The following NUP210L variants were observed in gnomAD, a reference collection of about 807,000 sequenced individuals.
The protein encoded by NUP210L is nucleoporin 210 like.
Under a neutral mutation model 208.5 loss-of-function variants are expected in NUP210L, and 74 were observed. The ratio of observed to expected loss-of-function variants is 0.35; its 90% CI spans 0.29 to 0.43. The LOEUF is 0.43. Ranked by LOEUF, NUP210L falls within the 20% of genes least tolerant of loss-of-function variation. The probability of loss-of-function intolerance (pLI) is 1.00; values close to 1 mark genes in which losing one functional copy is unlikely to be tolerated. For synonymous variants in NUP210L, 780 were observed against 816.9 expected (o/e 0.95, Z 0.77); for missense variants, 1,843 against 2,289.4 (o/e 0.81, Z 3.98).
intron 27 of NUP210L, among the ~76,000 whole-genome samples, chr1:154,032,950 G>GAAGAAAAAAAAAGAAAAGAAAAGAA (rs1652318070): frequency 1.6e-5 from 2 of 124,392 alleles, no homozygotes; most frequent in African/African-American, 6.5e-5. Flanking sequence ...AAGAAAGAAA[G>GAAGAAAAAAAAAGAAAAGAAAAGAA]AAGAAAAGAA....
chr1:154,081,008 AG>A (rs1339529273), intron 16 of NUP210L, among the ~76,000 whole-genome samples: 4 of 151,800 alleles, frequency 2.6e-5, no homozygotes, highest in African/African-American at 7.3e-5. Context: ...AAAAAAGAAA[AG>A]AAAAAGAAGG....
intron 35 of NUP210L, among the ~76,000 whole-genome samples, chr1:154,004,225 C>T (rs560023141): frequency 5.9e-5 from 9 of 151,368 alleles, no homozygotes; most frequent in South Asian, 2.1e-4. Flanking sequence ...CCCACCACCA[C>T]GCCCGGCTAA....
intron 37 of NUP210L, among the ~76,000 whole-genome samples, chr1:153,995,430 A>G (rs1194179221): frequency 6.6e-6 from 1 of 152,160 alleles, no homozygotes; most frequent in African/African-American, 2.4e-5. Flanking sequence ...GTAAGAGAGA[A>G]GAGAGCTTCA....
chr1:154,066,635 A>C (rs985031439), intron 17 of NUP210L, among the ~76,000 whole-genome samples: 2 of 152,186 alleles, frequency 1.3e-5, no homozygotes, highest in African/African-American at 4.8e-5. Flanking sequence ...ACAAACAAAA[A>C]ATCAATGAAT....
chr1:154,070,358 G>A, exon 17 of NUP210L: 1 of 1,613,342 alleles, frequency 6.2e-7, no homozygotes, highest in Non-Finnish European at 8.5e-7. Context: ...GTGTTTCATT[G>A]GAGGATTTCC....
chr1:154,081,331 TAAAGA>T (rs1472337052), intron 16 of NUP210L, among the ~76,000 whole-genome samples: 1 of 152,136 alleles, frequency 6.6e-6, no homozygotes, highest in East Asian at 1.9e-4. Context: ...AAATTGTTAC[TAAAGA>T]AAAGGTCATT....
chr1:154,034,494 A>T (rs1026632045), intron 27 of NUP210L, among the ~76,000 whole-genome samples: 4 of 151,898 alleles, frequency 2.6e-5, no homozygotes, highest in African/African-American at 9.7e-5. Context: ...ATGCCCAGCT[A>T]ATTTTTGTAT....
intron 14 of NUP210L, among the ~76,000 whole-genome samples, chr1:154,096,706 T>C (rs1308218579): frequency 6.6e-6 from 1 of 151,732 alleles, no homozygotes; most frequent in Non-Finnish European, 1.5e-5. Context: ...TGAACCAAGA[T>C]TGTGCCATTG....
At chr1:154,039,596 A>G (rs1024561176) in intron 27 of NUP210L, among the ~76,000 whole-genome samples, 4 of 152,096 alleles carry the variant, frequency 2.6e-5, no homozygotes, top group African/African-American at 9.7e-5. Context: ...TCTAGAATAA[A>G]AGTTTTTTCC....
chr1:154,009,624 T>TAA (rs35760411), intron 35 of NUP210L, among the ~76,000 whole-genome samples: 4 of 55,450 alleles, frequency 7.2e-5, no homozygotes, highest in South Asian at 7.9e-4. Flanking sequence ...ACGTTGCTCT[T>TAA]AAAAAAAAAA....
chr1:154,116,774 T>C (rs1657355790), intron 12 of NUP210L, among the ~76,000 whole-genome samples: 1 of 152,048 alleles, frequency 6.6e-6, no homozygotes, highest in Non-Finnish European at 1.5e-5. Flanking sequence ...GGTTACATAA[T>C]ATACTAAAAA....
At chr1:154,010,870 CAAATAAATAAATAAAT>C (rs151119528) in intron 34 of NUP210L, among the ~76,000 whole-genome samples, 4 of 151,472 alleles carry the variant, frequency 2.6e-5, no homozygotes, top group South Asian at 4.2e-4. Flanking sequence ...AACTCCGTCT[CAAATAAATAAATAAAT>C]AAATAAATAA....
intron 10 of NUP210L, among the ~76,000 whole-genome samples, chr1:154,124,361 G>A (rs1191293016): frequency 1.3e-5 from 2 of 152,160 alleles, no homozygotes; most frequent in African/African-American, 4.8e-5. Context: ...TGAGTGAAAG[G>A]AGCATTGGAG....
In NUP210L at chr1:154,125,711, AAGGAAGGAAGGAAGGAAGGAAGGAAGGG is replaced by A. The variant is rs1657894351; in HGVS notation, c.1326+584_1326+611del. Among the ~76,000 whole-genome samples the A allele has an allele frequency of 4.0e-4, 15 of 37,900 alleles. 3 individuals carry two copies. The highest frequency in any genetic ancestry group is 1.3e-3 in the Admixed American group (3 of 2,382). 24.9% of individuals were successfully genotyped at this position (37,900 alleles called of 152,430 possible). A position where few individuals can be genotyped will look rare whatever the true frequency, so the allele number is the denominator to read the frequency against. ...GAAGGAAGGAAGGAAGGAAGGAAGG[AAGGAAGGAAGGAAGGAAGGAAGGAAGGG>A]AGGGAGGGAAATGTTTTTTTTTTTT... On this transcript the variant is annotated intron_variant, in intron 10 of 39. Transcript: ENST00000368559.
At chr1:154,137,337 G>T (rs148244648) in intron 6 of NUP210L, among the ~76,000 whole-genome samples, 129 of 152,232 alleles carry the variant, frequency 8.5e-4, no homozygotes, top group African/African-American at 2.8e-3. Context: ...TGGATCATGA[G>T]GCCAGGAGTT....
chr1:154,001,724 T>A lies in NUP210L; in HGVS notation c.5181+11A>T. The A allele has an allele frequency of 1.9e-6, 3 of 1,613,876 alleles. No homozygotes were observed. The highest frequency in any genetic ancestry group is 2.5e-6 in the Non-Finnish European group (3 of 1,179,760). Reference sequence around the variant, plus strand: ...ATCTCTTGTTCTGTTTTGGTTCAGTTCTTAACATACCTCTAGCTTCCTAAG... The same window carrying A: ...ATCTCTTGTTCTGTTTTGGTTCAGTACTTAACATACCTCTAGCTTCCTAAG... On this transcript the variant is annotated intron_variant, in intron 36 of 39. Transcript: ENST00000368559.
At chr1:154,023,166 C>G (rs1488773573) in exon 31 of NUP210L, 6 of 1,614,038 alleles carry the variant, frequency 3.7e-6, no homozygotes, top group East Asian at 4.5e-5. Context: ...TGTGGAATTT[C>G]TCTCCGATAC....
chr1:154,130,417 C>G (rs1469720115), intron 7 of NUP210L, among the ~76,000 whole-genome samples: 1 of 151,794 alleles, frequency 6.6e-6, no homozygotes, highest in Non-Finnish European at 1.5e-5. Flanking sequence ...GGACTATAGG[C>G]GCGCACCACC....
At chr1:154,124,230 G>A (rs1657770009) in intron 10 of NUP210L, among the ~76,000 whole-genome samples, 1 of 137,668 alleles carries the variant, frequency 7.3e-6, no homozygotes, top group African/African-American at 2.5e-5. Flanking sequence ...GCACAACGGG[G>A]ATGGTAAAAA....
Sources: allele counts gnomAD v4.1 joint callset (sites outside exome capture counted in the v4.1 genomes callset), GRCh38; gene constraint gnomAD v4.1.1; transcripts MANE v1.5; gene names NCBI Gene and HGNC (gene_info 2026-07-23, HGNC 2026-07-21).